CSMD1: variants seen among roughly 807,000 people sequenced by gnomAD.
The protein encoded by CSMD1 is CUB and sushi domain-containing protein 1.
Under a neutral mutation model 417.5 loss-of-function variants are expected in CSMD1, and 213 were observed. That is an observed-to-expected ratio of 0.51 (90% CI 0.46 to 0.57). The LOEUF is 0.57. Among genes scored for constraint, CSMD1 ranks in the 20% least tolerant of loss-of-function variants. The pLI is 0.00. For missense variants in CSMD1, 6,923 were observed against 4,529.7 expected, an observed-to-expected ratio of 1.53 and a Z score of -15.17; for synonymous variants, 2,862 against 1,736.8, an observed-to-expected ratio of 1.65 and a Z score of -16.11.
chr8:3,933,994 G>T (rs1436744038), intron 5 of CSMD1, among the ~76,000 whole-genome samples: 2 of 152,086 alleles, frequency 1.3e-5, no homozygotes, highest in South Asian at 2.1e-4. Flanking sequence ...CAAACCCATG[G>T]CAAATATTCG....
At chr8:3,039,222 C>G (rs968973814) in intron 50 of CSMD1, among the ~76,000 whole-genome samples, 2 of 141,272 alleles carry the variant, frequency 1.4e-5, no homozygotes, top group African/African-American at 6.3e-5. Flanking sequence ...CAACTTCTAG[C>G]CTTCTCAGCC....
At chr8:3,493,319 G>T (rs1042219527) in intron 11 of CSMD1, among the ~76,000 whole-genome samples, 1 of 146,240 alleles carries the variant, frequency 6.8e-6, no homozygotes, top group Admixed American at 6.8e-5. Context: ...AAAAGGGGGG[G>T]CGGAGGGGTT....
chr8:4,802,097 GT>G (rs1798320279), intron 1 of CSMD1, among the ~76,000 whole-genome samples: 1 of 152,188 alleles, frequency 6.6e-6, no homozygotes, highest in African/African-American at 2.4e-5. Flanking sequence ...AAAATATTAA[GT>G]GTCCACAGAC....
At chr8:4,440,607 GAT>G (rs1798412541) in intron 2 of CSMD1, among the ~76,000 whole-genome samples, 1 of 152,180 alleles carries the variant, frequency 6.6e-6, no homozygotes, top group Non-Finnish European at 1.5e-5. Context: ...TCTCTGGAAA[GAT>G]AGGTAGTACC....
chr8:4,870,519 C>T (rs1802676693), intron 1 of CSMD1, among the ~76,000 whole-genome samples: 1 of 152,088 alleles, frequency 6.6e-6, no homozygotes, highest in Admixed American at 6.5e-5. Context: ...TGCAACTTGG[C>T]CAAGGAGTCT....
intron 3 of CSMD1, among the ~76,000 whole-genome samples, chr8:4,256,623 G>A (rs1395518348): frequency 6.6e-6 from 1 of 152,192 alleles, no homozygotes; most frequent in African/African-American, 2.4e-5. Flanking sequence ...GAGAATCAGT[G>A]AGACCCATGA....
rs544553004 is a variant in CSMD1, at chr8:4,799,512, T to C, written c.86-161954A>G. On this transcript the variant is annotated intron_variant, in intron 1 of 69. Coordinates refer to ENST00000635120, the MANE Select transcript of CSMD1 (RefSeq NM_033225.6). ...TACTCTAGAGCCTGGGGCAGGAGAA[T>C]TGCTTGAACCCAGGAGGCGGAGGTT... 5.5e-4 allele frequency among the ~76,000 whole-genome samples: 78 copies of C among 141,768 alleles called. 1 individual carries two copies. The highest frequency in any genetic ancestry group is 1.9e-3 in the African/African-American group (72 of 37,358). The allele number at this position is 141,768 out of a possible 152,430, so 93.0% of individuals were successfully genotyped here. A position where few individuals can be genotyped will look rare whatever the true frequency, so the allele number is the denominator to read the frequency against.
At chr8:3,963,202 G>A (rs1208922026) in intron 5 of CSMD1, among the ~76,000 whole-genome samples, 1 of 152,094 alleles carries the variant, frequency 6.6e-6, no homozygotes, top group Non-Finnish European at 1.5e-5. Context: ...AAAGTGCTGG[G>A]ATCACAGGCT....
intron 10 of CSMD1, among the ~76,000 whole-genome samples, chr8:3,526,076 T>A (rs1797741711): frequency 6.6e-6 from 1 of 152,146 alleles, no homozygotes. Context: ...CAAAGAACCA[T>A]CAACATGCTG....
Position 4,012,802 on chromosome 8 carries a change from A to G in CSMD1, c.611-14692T>C, listed in dbSNP as rs149159189. Among the ~76,000 whole-genome samples, 205 of 152,224 alleles carry G rather than the reference A, an allele frequency of 1.3e-3. 1 individual carries two copies. Among genetic ancestry groups the G allele is most frequent in the African/African-American group, 4.5e-3 (188 of 41,516 alleles). On this transcript the variant is annotated intron_variant, in intron 4 of 69. Transcript: ENST00000635120. The stretch of plus-strand genomic sequence containing the variant: ...CAATCTCACAGTCTTCTCCATCTCA[A>G]TAAACGGTAACTCCATTCTTCCAGT...
chr8:3,585,625 A>G (rs1800567043), intron 9 of CSMD1, among the ~76,000 whole-genome samples: 1 of 152,216 alleles, frequency 6.6e-6, no homozygotes, highest in Non-Finnish European at 1.5e-5. Context: ...TGATGATGAC[A>G]ATAATGATGA....
At chr8:3,028,572 G>T (rs1337540706) in intron 51 of CSMD1, among the ~76,000 whole-genome samples, 1 of 152,284 alleles carries the variant, frequency 6.6e-6, no homozygotes, top group East Asian at 1.9e-4. Context: ...TGTGTTCCTG[G>T]TGAAGAGCTT....
At position 4,612,475 on chromosome 8, in the gene CSMD1, G is replaced by A. The variant is rs542005339; in HGVS notation, c.302+24867C>T. Among the ~76,000 whole-genome samples, 209 of 152,294 alleles carry A rather than the reference G, an allele frequency of 1.4e-3. 1 individual carries two copies. Among genetic ancestry groups the A allele is most frequent in the African/African-American group, 4.7e-3 (194 of 41,552 alleles). On this transcript the variant is annotated intron_variant, in intron 2 of 69. Coordinates refer to ENST00000635120, the MANE Select transcript of CSMD1 (RefSeq NM_033225.6). ...CCTGTGTCCTTCTCAAGAACTCTGA[G>A]GTCACATGGAGATGACCACAACAGG...
chr8:3,380,128 A>G (rs973421287), intron 18 of CSMD1, among the ~76,000 whole-genome samples: 5 of 152,222 alleles, frequency 3.3e-5, no homozygotes, highest in African/African-American at 9.6e-5. Context: ...GCCAACAAAC[A>G]TAAGAAAAAA....
chr8:4,483,010 T>G (rs1456583761), intron 2 of CSMD1, among the ~76,000 whole-genome samples: 2 of 152,170 alleles, frequency 1.3e-5, no homozygotes, highest in African/African-American at 2.4e-5. Flanking sequence ...AGCAATTGAT[T>G]GGTTTGGCTC....
intron 7 of CSMD1, among the ~76,000 whole-genome samples, chr8:3,676,702 T>A (rs1799392116): frequency 6.6e-6 from 1 of 152,282 alleles, no homozygotes; most frequent in East Asian, 1.9e-4. Flanking sequence ...ACTGTCCATT[T>A]CTATCAAACT....
intron 5 of CSMD1, among the ~76,000 whole-genome samples, chr8:3,761,157 T>G (rs1248114492): frequency 6.6e-6 from 1 of 152,198 alleles, no homozygotes; most frequent in Non-Finnish European, 1.5e-5. Flanking sequence ...TTTATACAAC[T>G]GTTCCAAGTC....
intron 3 of CSMD1, among the ~76,000 whole-genome samples, chr8:4,341,525 C>A (rs778342725): frequency 4.6e-5 from 7 of 152,042 alleles, no homozygotes; most frequent in Middle Eastern, 3.2e-3. Flanking sequence ...TTCTAGGAAG[C>A]AAACCCATGG....
chr8:4,091,811 G>A (rs1054610426), intron 3 of CSMD1, among the ~76,000 whole-genome samples: 3 of 152,122 alleles, frequency 2.0e-5, no homozygotes, highest in African/African-American at 4.8e-5. Flanking sequence ...ACTGGAAGAG[G>A]CCTTATCCTT....
Sources: allele counts gnomAD v4.1 joint callset (sites outside exome capture counted in the v4.1 genomes callset), GRCh38; gene constraint gnomAD v4.1.1; transcripts MANE v1.5; gene names NCBI Gene and HGNC (gene_info 2026-07-23, HGNC 2026-07-21).